The following BNIPL variants were observed in gnomAD, a reference collection of about 807,000 sequenced individuals.
BNIPL encodes the protein BCL2 interacting protein like.
BNIPL carries 33 observed loss-of-function variants against 47.0 expected under a neutral mutation model. That is an observed-to-expected ratio of 0.70 (90% CI 0.53 to 0.94). The LOEUF (loss-of-function observed/expected upper bound fraction) is 0.94. Ranked by LOEUF, BNIPL falls within the 40% of genes least tolerant of loss-of-function variation. The probability of loss-of-function intolerance (pLI) is 0.00; values close to 1 mark genes in which losing one functional copy is unlikely to be tolerated. For missense variants in BNIPL, 404 were observed against 445.2 expected, an observed-to-expected ratio of 0.91 and a Z score of 0.83; for synonymous variants, 145 against 162.7, an observed-to-expected ratio of 0.89 and a Z score of 0.83.
At position 151,045,519 on chromosome 1, in the gene BNIPL, A is replaced by G. The variant is rs587656287; in HGVS notation, c.852-278A>G. The G allele has an allele frequency of 2.5e-4, 88 of 352,320 alleles. 1 individual carries two copies. The highest frequency in any genetic ancestry group is 6.8e-4 in the East Asian group (9 of 13,278). The allele number at this position is 352,320 out of a possible 1,614,324, so 21.8% of individuals were successfully genotyped here. On this transcript the variant is annotated intron_variant, in intron 7 of 9. Coordinates refer to ENST00000368931, the MANE Select transcript of BNIPL (RefSeq NM_138278.4). ...GCTTACAGGGAGCTGAGATAGTGCC[A>G]CTACACTCCAGCCCAGGCGACAGAG... is the stretch of plus-strand genomic sequence containing the variant.
intron 7 of BNIPL, chr1:151,044,772 T>C (rs1675946769): frequency 8.0e-7 from 1 of 1,243,850 alleles, no homozygotes; most frequent in African/African-American, 1.6e-5. Context: ...TTCTTTTCCT[T>C]CTCAGGTTTT....
Position 151,043,721 on chromosome 1 carries a change from ATCGGCGG to A in BNIPL, c.847_851+2del. On this transcript the variant is annotated splice_donor_variant and coding_sequence_variant, in exon 7 of 10. Coordinates refer to ENST00000368931, the MANE Select transcript of BNIPL (RefSeq NM_138278.4). LOFTEE classifies it high-confidence loss of function. ...ATACGTCAGTGTTACCGTACCCTGG[ATCGGCGG>A]TGAGACCTGGGATGAGAGGGCTACA... 6.2e-7 allele frequency: 1 copy of A among 1,613,378 alleles called. No homozygotes were observed. Among genetic ancestry groups the A allele is most frequent in the Non-Finnish European group, 8.5e-7 (1 of 1,179,512 alleles).
intron 7 of BNIPL, 157 bp from the exon 8 acceptor site, chr1:151,045,640 G>A: frequency 7.6e-7 from 1 of 1,320,508 alleles, no homozygotes; most frequent in Non-Finnish European, 1.0e-6. Flanking sequence ...GTGGAGCTGA[G>A]ATTACAGCTG....
intron 7 of BNIPL, 49 bp from the exon 8 acceptor site, chr1:151,045,748 A>G: frequency 1.2e-6 from 2 of 1,613,520 alleles, no homozygotes; most frequent in Non-Finnish European, 1.7e-6. Flanking sequence ...CGTGATCTTC[A>G]CACATAAAGG....
Position 151,047,626 on chromosome 1 carries a change from T to G in BNIPL, c.*939T>G. Reference sequence around the variant, plus strand: ...AAGTGAACGACTCTTTCACCACCCCTTGCATCCCAAACCTTCGGTTCTGGC... The same window carrying G: ...AAGTGAACGACTCTTTCACCACCCCGTGCATCCCAAACCTTCGGTTCTGGC... On this transcript the variant is annotated 3_prime_UTR_variant, in exon 10 of 10. Transcript: ENST00000368931. 1.5e-6 allele frequency: 1 copy of G among 646,584 alleles called. No homozygotes were observed. Among genetic ancestry groups the G allele is most frequent in the African/African-American group, 1.9e-5 (1 of 53,810 alleles). The allele number at this position is 646,584 out of a possible 1,614,324, so 40.1% of individuals were successfully genotyped here.
chr1:151,046,798 C>A lies in BNIPL; in HGVS notation c.*111C>A. The stretch of plus-strand genomic sequence containing the variant: ...ATCTTATCCCCAACCTCAGTACCAC[C>A]GGATCTTCACTTCTCAGTGGGATTT... On this transcript the variant is annotated 3_prime_UTR_variant, in exon 10 of 10. Coordinates refer to ENST00000368931, the MANE Select transcript of BNIPL (RefSeq NM_138278.4). 1.2e-6 allele frequency: 1 copy of A among 809,332 alleles called. No homozygotes were observed. The highest frequency in any genetic ancestry group is 1.9e-6 in the Non-Finnish European group (1 of 519,772). The allele number at this position is 809,332 out of a possible 1,614,324, so 50.1% of individuals were successfully genotyped here.
At chr1:151,044,837 C>A in intron 7 of BNIPL, 2 of 1,289,890 alleles carry the variant, frequency 1.6e-6, no homozygotes, top group Non-Finnish European at 1.0e-6. Context: ...TCTCTTCTTG[C>A]CCCCTTTCCT....
At chr1:151,037,790 C>G in intron 2 of BNIPL, 128 bp downstream of exon 2, 1 of 696,742 alleles carries the variant, frequency 1.4e-6, no homozygotes, top group Non-Finnish European at 2.4e-6. Flanking sequence ...CACCTGAGGT[C>G]AGGAGTTTGA....
chr1:151,045,648 C>G (rs181466203), intron 7 of BNIPL, 149 bp from the exon 8 acceptor site: 733 of 1,384,840 alleles, frequency 5.3e-4, no homozygotes, highest in Non-Finnish European at 6.7e-4. Flanking sequence ...GAGATTACAG[C>G]TGACGGAATG....
rs375037233 is a variant in BNIPL at position 151,047,011 on chromosome 1, G to C, written c.*324G>C. On this transcript the variant is annotated 3_prime_UTR_variant, in exon 10 of 10. Transcript: ENST00000368931. ...AGTCTCGCTCTGTCGCCAGGCTGGA[G>C]TGCAGTGGTGCGATCTCGGCTCACT... 23 of 194,352 alleles carry C rather than the reference G, an allele frequency of 1.2e-4. No homozygotes were observed. Among genetic ancestry groups the C allele is most frequent in the African/African-American group, 5.2e-4 (22 of 42,658 alleles). 12.0% of individuals were successfully genotyped at this position (194,352 alleles called of 1,614,324 possible). A position where few individuals can be genotyped will look rare whatever the true frequency, so the allele number is the denominator to read the frequency against.
chr1:151,043,612 C>G lies in BNIPL; in HGVS notation c.736C>G (p.Leu246Val). Residue 246 changes from leucine to valine, a missense_variant, in exon 7 of 10, where the codon CTG becomes GTG. By Grantham distance (32) the Leu-to-Val change is conservative (BLOSUM62 1). Transcript: ENST00000368931. The stretch of plus-strand genomic sequence containing the variant: ...TCCCCCCAGGTATATGGTGGGAACT[C>G]TGGAGCTGCTAGTAGCTGAAAATTA... The part of the protein sequence containing the change: ...EHLFRYMVGT[L>V]ELLVAENYLL... 6.2e-7 allele frequency: 1 copy of G among 1,612,096 alleles called. No individual in the cohort carries two copies. The highest frequency in any genetic ancestry group is 1.3e-5 in the African/African-American group (1 of 74,968).
In BNIPL at chr1:151,046,097, G is replaced by A. The variant is rs1169340688; in HGVS notation, c.969G>A (p.Leu323=). The change falls in exon 9 of 10, where the codon CTG becomes CTA. Residue 323 remains leucine (L), a synonymous_variant. Coordinates refer to ENST00000368931, the MANE Select transcript of BNIPL (RefSeq NM_138278.4). The part of the protein sequence containing the change: ...SSKFTRKIRF[L]DSLGELAQLI... The stretch of plus-strand genomic sequence containing the variant: ...AATTCACACGAAAAATCCGTTTTCT[G>A]GACAGCCTGGGGGAGCTGGCCCAAC... 1 of 1,614,006 alleles carries A rather than the reference G, an allele frequency of 6.2e-7. No individual in the cohort carries two copies. The highest frequency in any genetic ancestry group is 1.1e-5 in the South Asian group (1 of 91,070).
Position 151,043,030 on chromosome 1 carries a change from G to A in BNIPL, c.508G>A (p.Val170Met), listed in dbSNP as rs1001643447. The change falls in exon 5 of 10, where the codon GTG (valine) becomes ATG (methionine). Residue 170 changes from valine to methionine, a missense_variant. Coordinates refer to ENST00000368931, the MANE Select transcript of BNIPL (RefSeq NM_138278.4). Reference sequence around the variant, plus strand: ...GCTGGGCCGAGGTTGTATGTGGGATGTGACTGGAGAAGATGGACATCACTG... The same window carrying A: ...GCTGGGCCGAGGTTGTATGTGGGATATGACTGGAGAAGATGGACATCACTG... The part of the protein sequence containing the change: ...ERLGRGCMWD[V>M]TGEDGHHWRV... 1 of 1,612,444 alleles carries A rather than the reference G, an allele frequency of 6.2e-7. No individual in the cohort carries two copies. The highest frequency in any genetic ancestry group is 8.5e-7 in the Non-Finnish European group (1 of 1,179,580).
At chr1:151,037,869 A>G (rs945430143) in intron 2 of BNIPL, among the ~76,000 whole-genome samples, 4 of 151,680 alleles carry the variant, frequency 2.6e-5, no homozygotes, top group African/African-American at 9.7e-5. Flanking sequence ...GTGTGGTGGC[A>G]CATGCCTGTA....
chr1:151,036,764 T>C lies in BNIPL; in HGVS notation c.39T>C (p.Val13=). Reference sequence around the variant, plus strand: ...AAGAGGCAGGAAAAAAGACAGATGTTGGGTAAGTAAGATCTTGGCTCACTT... The same window carrying C: ...AAGAGGCAGGAAAAAAGACAGATGTCGGGTAAGTAAGATCTTGGCTCACTT... The part of the protein sequence containing the change: ...TIQEAGKKTD[V]GVREIAEAPE... The change falls in exon 1 of 10, where the codon GTT becomes GTC. Residue 13 remains valine (V), a splice_region_variant and synonymous_variant. Coordinates refer to ENST00000368931, the MANE Select transcript of BNIPL (RefSeq NM_138278.4). 2 of 1,609,172 alleles carry C rather than the reference T, an allele frequency of 1.2e-6. No homozygotes were observed. The highest frequency in any genetic ancestry group is 1.7e-6 in the Non-Finnish European group (2 of 1,175,568).
At chr1:151,044,845 C>G (rs1249618751) in intron 7 of BNIPL, 2 of 1,289,938 alleles carry the variant, frequency 1.6e-6, no homozygotes, top group South Asian at 2.5e-5. Flanking sequence ...TGCCCCCTTT[C>G]CTTTTTTCGT....
chr1:151,043,876 G>C (rs1233299479), intron 7 of BNIPL, 149 bp downstream of exon 7: 2 of 1,040,936 alleles, frequency 1.9e-6, no homozygotes, highest in Admixed American at 3.0e-5. Context: ...TCTTCTCTTG[G>C]AGTCAAGGAA....
At position 151,044,415 on chromosome 1, in the gene BNIPL, A is replaced by G. The variant is rs146764090; in HGVS notation, c.851+688A>G. Reference sequence around the variant, plus strand: ...CACTCTTCTCTCAGTCTTGCCATTTATTTCCCTTTCCACACCTCCATTATC... The same window carrying G: ...CACTCTTCTCTCAGTCTTGCCATTTGTTTCCCTTTCCACACCTCCATTATC... On this transcript the variant is annotated intron_variant, in intron 7 of 9. Coordinates refer to ENST00000368931, the MANE Select transcript of BNIPL (RefSeq NM_138278.4). Among the ~76,000 whole-genome samples, 158 of 152,154 alleles carry G rather than the reference A, an allele frequency of 1.0e-3. 1 individual carries two copies. The highest frequency in any genetic ancestry group is 0.01 in the East Asian group (53 of 5,170).
intron 4 of BNIPL, among the ~76,000 whole-genome samples, chr1:151,041,052 G>T (rs1558100435): frequency 6.6e-6 from 1 of 151,958 alleles, no homozygotes; most frequent in Non-Finnish European, 1.5e-5. Context: ...GGGCTTTGTG[G>T]CACAGACCTG....
Sources: gnomAD v4.1 joint callset for allele counts (sites outside exome capture counted in the v4.1 genomes callset) on GRCh38, gnomAD v4.1.1 for gene constraint, MANE v1.5 for transcripts, NCBI Gene and HGNC (gene_info 2026-07-23, HGNC 2026-07-21) for gene names.